Variants in CACNG3 observed in about 807,000 individuals in gnomAD.
CACNG3 encodes calcium voltage-gated channel auxiliary subunit gamma 3, also known as voltage-dependent calcium channel gamma-3 subunit.
A neutral mutation model predicts 28.5 loss-of-function variants in CACNG3; 3 were observed. The observed-to-expected ratio is 0.11, with a 90% CI of 0.05 to 0.27. The LOEUF (loss-of-function observed/expected upper bound fraction) is 0.27, where lower values mean the gene tolerates loss of function less well. CACNG3 is among the 10% of genes least tolerant of loss of function. CACNG3 has a pLI of 1.00. For synonymous variants in CACNG3, 174 were observed against 162.2 expected, an observed-to-expected ratio of 1.07 and a Z score of -0.55; for missense variants, 236 against 414.4, an observed-to-expected ratio of 0.57 and a Z score of 3.74.
intron 1 of CACNG3, among the ~76,000 whole-genome samples, chr16:24,258,456 C>A (rs1898498190): frequency 1.3e-5 from 2 of 152,200 alleles, no homozygotes; most frequent in African/African-American, 2.4e-5. Flanking sequence ...CTCTCCAACT[C>A]TCAGTTTATT....
intron 1 of CACNG3, among the ~76,000 whole-genome samples, chr16:24,322,451 C>T (rs1461923700): frequency 6.6e-6 from 1 of 152,104 alleles, no homozygotes; most frequent in Non-Finnish European, 1.5e-5. Flanking sequence ...ACTAAACACA[C>T]TCTTTTTTCT....
At chr16:24,344,580 TC>T (rs1217399348) in intron 1 of CACNG3, among the ~76,000 whole-genome samples, 1 of 152,170 alleles carries the variant, frequency 6.6e-6, no homozygotes, top group African/African-American at 2.4e-5. Flanking sequence ...ATGAATAAGG[TC>T]TTTTTTTCCC....
intron 1 of CACNG3, among the ~76,000 whole-genome samples, chr16:24,317,662 AAG>A (rs1899394020): frequency 1.1e-5 from 1 of 92,206 alleles, no homozygotes; most frequent in African/African-American, 5.0e-5. Context: ...GAAAGAAAGA[AAG>A]AAAGAAAGAA....
intron 3 of CACNG3, among the ~76,000 whole-genome samples, chr16:24,359,912 G>C (rs1900083630): frequency 6.6e-6 from 1 of 152,162 alleles, no homozygotes; most frequent in African/African-American, 2.4e-5. Flanking sequence ...CCTAATGCAT[G>C]TGCACCAGCT....
intron 1 of CACNG3, among the ~76,000 whole-genome samples, chr16:24,303,593 C>A (rs1379299726): frequency 6.6e-6 from 1 of 151,720 alleles, no homozygotes; most frequent in Non-Finnish European, 1.5e-5. Flanking sequence ...CTTCAGCATT[C>A]GTTGCTGTCT....
At chr16:24,314,786 C>T (rs962423964) in intron 1 of CACNG3, among the ~76,000 whole-genome samples, 1 of 151,402 alleles carries the variant, frequency 6.6e-6, no homozygotes, top group Non-Finnish European at 1.5e-5. Flanking sequence ...TCCACCTACT[C>T]TCCTTCATTT....
Position 24,346,615 on chromosome 16 carries a change from A to G in CACNG3, c.212-119A>G, listed in dbSNP as rs7204763. ...AAGGTGCTCTTGGGCCTACCAGCCC[A>G]ACAACCCTACAGCCCCCAACAACCA... On this transcript the variant is annotated intron_variant, in intron 1 of 3. Coordinates refer to ENST00000005284, the MANE Select transcript of CACNG3 (RefSeq NM_006539.4). 7.6e-3 allele frequency: 5,196 copies of G among 687,208 alleles called. 174 individuals carry two copies. The African/African-American group carries it at 0.079, about 10-fold the overall frequency. The allele number at this position is 687,208 out of a possible 1,614,324, so 42.6% of individuals were successfully genotyped here.
intron 1 of CACNG3, among the ~76,000 whole-genome samples, chr16:24,274,438 C>A (rs564121411): frequency 2.6e-5 from 4 of 152,258 alleles, no homozygotes; most frequent in African/African-American, 7.2e-5. Context: ...TTGGTTATTA[C>A]CATTTTCCTG....
intron 1 of CACNG3, among the ~76,000 whole-genome samples, chr16:24,309,813 C>T (rs1052675273): frequency 2.0e-5 from 3 of 152,106 alleles, no homozygotes; most frequent in South Asian, 2.1e-4. Flanking sequence ...GAGGGCGTGG[C>T]GCATGCTAAG....
intron 1 of CACNG3, among the ~76,000 whole-genome samples, chr16:24,265,829 A>G (rs1898602701): frequency 6.6e-6 from 1 of 152,136 alleles, no homozygotes; most frequent in South Asian, 2.1e-4. Context: ...AATATCCTCA[A>G]TTTTGCTGCT....
chr16:24,266,626 AAGG>A (rs556466105), intron 1 of CACNG3, among the ~76,000 whole-genome samples: 48 of 152,344 alleles, frequency 3.2e-4, no homozygotes, highest in Admixed American at 6.5e-4. Context: ...AGCAGAGATA[AAGG>A]AGGAGAAGGA....
chr16:24,285,909 T>C (rs1020523355), intron 1 of CACNG3, among the ~76,000 whole-genome samples: 1 of 150,070 alleles, frequency 6.7e-6, no homozygotes, highest in African/African-American at 2.5e-5. Flanking sequence ...AGTGGCGCGA[T>C]CTCAGCTCAC....
chr16:24,327,661 G>A (rs1899576207), intron 1 of CACNG3, among the ~76,000 whole-genome samples: 1 of 151,382 alleles, frequency 6.6e-6, no homozygotes, highest in Admixed American at 6.6e-5. Context: ...AAAAAAACAG[G>A]CCGGGTGCAG....
intron 1 of CACNG3, among the ~76,000 whole-genome samples, chr16:24,273,913 C>T (rs1344891480): frequency 6.6e-6 from 1 of 152,114 alleles, no homozygotes; most frequent in Non-Finnish European, 1.5e-5. Flanking sequence ...GGAGGAAACA[C>T]TTTTCTGGAA....
chr16:24,337,554 C>T (rs1437270294), intron 1 of CACNG3, among the ~76,000 whole-genome samples: 4 of 152,038 alleles, frequency 2.6e-5, no homozygotes, highest in Non-Finnish European at 2.9e-5. Context: ...TGGTGGCTCA[C>T]ATCTGTAATC....
At chr16:24,353,441 A>C (rs1419697780) in intron 2 of CACNG3, among the ~76,000 whole-genome samples, 1 of 152,212 alleles carries the variant, frequency 6.6e-6, no homozygotes, top group African/African-American at 2.4e-5. Context: ...GACCCACCAG[A>C]AAATACTCTT....
intron 1 of CACNG3, among the ~76,000 whole-genome samples, chr16:24,277,673 A>C (rs1174787260): frequency 6.6e-6 from 1 of 151,560 alleles, no homozygotes; most frequent in East Asian, 1.9e-4. Flanking sequence ...TACTCTACTC[A>C]GGAGGCTGAG....
intron 1 of CACNG3, among the ~76,000 whole-genome samples, chr16:24,332,530 C>CA (rs1899644833): frequency 6.6e-6 from 1 of 151,628 alleles, no homozygotes; most frequent in Non-Finnish European, 1.5e-5. Context: ...TTCTTTACAC[C>CA]AGAAGAAAAT....
At chr16:24,317,192 A>G (rs1899363319) in intron 1 of CACNG3, among the ~76,000 whole-genome samples, 1 of 152,152 alleles carries the variant, frequency 6.6e-6, no homozygotes, top group African/African-American at 2.4e-5. Context: ...TTTCCAATTG[A>G]GGAAACTGAA....
Sources: allele counts gnomAD v4.1 joint callset (sites outside exome capture counted in the v4.1 genomes callset), GRCh38; gene constraint gnomAD v4.1.1; transcripts MANE v1.5; gene names NCBI Gene and HGNC (gene_info 2026-07-23, HGNC 2026-07-21).